UNC13C: variants seen among roughly 807,000 people sequenced by gnomAD.
UNC13C encodes the protein protein unc-13 homolog C.
UNC13C carries 174 observed loss-of-function variants against 245.4 expected under a neutral mutation model. The ratio of observed to expected loss-of-function variants is 0.71; its 90% CI spans 0.63 to 0.80. UNC13C has a LOEUF of 0.80. Among genes scored for constraint, UNC13C ranks in the 30% least tolerant of loss-of-function variants. The probability of loss-of-function intolerance (pLI) is 0.00; values close to 1 mark genes in which losing one functional copy is unlikely to be tolerated. For synonymous variants in UNC13C, 992 were observed against 895.1 expected (o/e 1.11, Z -1.93); for missense variants, 2,829 against 2,602.9 (o/e 1.09, Z -1.89).
chr15:54,459,060 C>A (rs1445548247), intron 19 of UNC13C, among the ~76,000 whole-genome samples: 2 of 151,906 alleles, frequency 1.3e-5, no homozygotes, highest in Non-Finnish European at 2.9e-5. Flanking sequence ...ACTTAAAATT[C>A]TTTTTAACAG....
At chr15:53,930,557 T>C in the UNC13C span, among the ~76,000 whole-genome samples, 2 of 152,298 alleles carry the variant, frequency 1.3e-5, no homozygotes, top group African/African-American at 4.8e-5. Context: ...ATTAAAAATC[T>C]GAATACACAA....
intron 17 of UNC13C, among the ~76,000 whole-genome samples, chr15:54,387,242 C>T (rs1447838123): frequency 6.6e-6 from 1 of 152,104 alleles, no homozygotes; most frequent in Non-Finnish European, 1.5e-5. Flanking sequence ...CAGAGTAGCA[C>T]TTGTGGATCT....
rs1446346796 is a variant in UNC13C, at chr15:54,077,216, G to C, written c.2983+61330G>C. 1.3e-5 allele frequency among the ~76,000 whole-genome samples: 2 copies of C among 151,918 alleles called. 1 individual carries two copies. Among genetic ancestry groups the C allele is most frequent in the Admixed American group, 1.3e-4 (2 of 15,254 alleles). On this transcript the variant is annotated intron_variant, in intron 2 of 32. Transcript: ENST00000260323. ...CATTTCTTACTGAATATCTTGCTTG[G>C]AAAACTCTAAAAATGCATTCTTAAT...
chr15:54,478,893 C>G (rs1376395937), intron 19 of UNC13C, among the ~76,000 whole-genome samples: 1 of 151,954 alleles, frequency 6.6e-6, no homozygotes, highest in Non-Finnish European at 1.5e-5. Flanking sequence ...GTTGATCTGT[C>G]TAATGTTGAC....
At chr15:53,902,437 C>G in the UNC13C span, among the ~76,000 whole-genome samples, 94 of 152,220 alleles carry the variant, frequency 6.2e-4, no homozygotes, top group African/African-American at 2.2e-3. Context: ...AAGGAATAAC[C>G]TATCAGTTAG....
chr15:54,167,629 CAAAA>C (rs2033231255), intron 4 of UNC13C, among the ~76,000 whole-genome samples: 1 of 76,316 alleles, frequency 1.3e-5, no homozygotes, highest in Admixed American at 1.3e-4. Context: ...AAAAAAGAAA[CAAAA>C]CCAAATCTCA....
At chr15:54,257,133 T>G (rs1376488547) in intron 8 of UNC13C, among the ~76,000 whole-genome samples, 2 of 152,244 alleles carry the variant, frequency 1.3e-5, no homozygotes, top group African/African-American at 4.8e-5. Context: ...AATTTTCTTT[T>G]GCTTTGTATT....
the UNC13C span, among the ~76,000 whole-genome samples, chr15:53,936,804 CTGTT>C: frequency 1.3e-5 from 2 of 152,256 alleles, no homozygotes; most frequent in African/African-American, 4.8e-5. Context: ...AGTCAGTGGC[CTGTT>C]TGTTAAAGAA....
At chr15:54,516,464 C>T (rs1049259047) in intron 24 of UNC13C, among the ~76,000 whole-genome samples, 2 of 152,148 alleles carry the variant, frequency 1.3e-5, no homozygotes, top group African/African-American at 4.8e-5. Flanking sequence ...GCTGATGCTA[C>T]TGGTCTGGGG....
At chr15:53,843,599 C>A in the UNC13C span, among the ~76,000 whole-genome samples, 3 of 151,556 alleles carry the variant, frequency 2.0e-5, no homozygotes, top group East Asian at 1.9e-4. Flanking sequence ...AGAAAAGGAC[C>A]AAGGCTAGAG....
upstream of UNC13C, among the ~76,000 whole-genome samples, chr15:53,978,386 A>T (rs1286067427): frequency 6.7e-6 from 1 of 148,310 alleles, no homozygotes; most frequent in Admixed American, 6.8e-5. Context: ...CAGGAGAGGG[A>T]GCCCGGGCGC....
chr15:54,226,792 C>T (rs556821504), intron 4 of UNC13C, among the ~76,000 whole-genome samples: 13 of 152,252 alleles, frequency 8.5e-5, no homozygotes, highest in Non-Finnish European at 1.2e-4. Flanking sequence ...ATGTGGCTTG[C>T]GCTGTAGGCA....
chr15:54,473,075 C>G (rs1337924661), intron 19 of UNC13C, among the ~76,000 whole-genome samples: 2 of 151,676 alleles, frequency 1.3e-5, no homozygotes, highest in African/African-American at 4.8e-5. Context: ...TCCATGAGTA[C>G]CTAATGCTCA....
intron 10 of UNC13C, among the ~76,000 whole-genome samples, chr15:54,289,025 A>G (rs1339793458): frequency 6.6e-6 from 1 of 152,116 alleles, no homozygotes; most frequent in Non-Finnish European, 1.5e-5. Flanking sequence ...GCCCTAGGGC[A>G]ACAATTTTAT....
At chr15:54,398,014 C>G (rs2140924973) in intron 18 of UNC13C, among the ~76,000 whole-genome samples, 1 of 151,406 alleles carries the variant, frequency 6.6e-6, no homozygotes, top group Admixed American at 6.6e-5. Flanking sequence ...GAAGAGCAGA[C>G]ATTCTTGCCT....
At chr15:54,009,450 A>G (rs1213307697) in intron 1 of UNC13C, among the ~76,000 whole-genome samples, 1 of 152,184 alleles carries the variant, frequency 6.6e-6, no homozygotes, top group African/African-American at 2.4e-5. Flanking sequence ...TAACTTATTT[A>G]AACCTTACAA....
intron 4 of UNC13C, among the ~76,000 whole-genome samples, chr15:54,222,372 T>G (rs2035252802): frequency 6.6e-6 from 1 of 152,126 alleles, no homozygotes; most frequent in Non-Finnish European, 1.5e-5. Flanking sequence ...GCCTGGTTTA[T>G]TTCACATAAA....
At chr15:54,390,524 T>A (rs2039932474) in intron 17 of UNC13C, among the ~76,000 whole-genome samples, 1 of 152,106 alleles carries the variant, frequency 6.6e-6, no homozygotes, top group South Asian at 2.1e-4. Context: ...GTCACTATTA[T>A]AATAATTACT....
intron 2 of UNC13C, among the ~76,000 whole-genome samples, chr15:54,057,507 T>G (rs889335807): frequency 9.9e-5 from 15 of 151,686 alleles, no homozygotes; most frequent in African/African-American, 3.6e-4. Flanking sequence ...CACACAATAA[T>G]AATGGGAGAC....
Sources: allele counts gnomAD v4.1 joint callset (sites outside exome capture counted in the v4.1 genomes callset), GRCh38; gene constraint gnomAD v4.1.1; transcripts MANE v1.5; gene names NCBI Gene and HGNC (gene_info 2026-07-23, HGNC 2026-07-21).